Variants in GFOD1 observed in about 807,000 individuals in gnomAD.
GFOD1 encodes the protein Gfo/Idh/MocA-like oxidoreductase domain containing 1, also known as glucose-fructose oxidoreductase domain-containing protein 1.
In GFOD1, 9 loss-of-function variants were observed where a neutral mutation model predicts 25.4. The observed-to-expected ratio is 0.35, with a 90% confidence interval of 0.21 to 0.62. The LOEUF (loss-of-function observed/expected upper bound fraction) is 0.62. Among genes scored for constraint, GFOD1 ranks in the 20% least tolerant of loss-of-function variants. The pLI is 0.72. For synonymous variants in GFOD1, 253 were observed against 245.6 expected, an observed-to-expected ratio of 1.03 and a Z score of -0.28; for missense variants, 403 against 556.9, an observed-to-expected ratio of 0.72 and a Z score of 2.78.
intron 1 of GFOD1, among the ~76,000 whole-genome samples, chr6:13,401,515 TATTTA>T (rs1268681802): frequency 2.0e-5 from 3 of 152,226 alleles, no homozygotes; most frequent in African/African-American, 7.2e-5. Context: ...AATGGGGCAC[TATTTA>T]ATTTAAAATG....
At chr6:13,412,131 T>C (rs1002714460) in intron 1 of GFOD1, among the ~76,000 whole-genome samples, 5 of 152,206 alleles carry the variant, frequency 3.3e-5, no homozygotes, top group African/African-American at 1.2e-4. Flanking sequence ...ACATTATAAG[T>C]GTTATGAGCT....
At chr6:13,384,546 T>A (rs1423166013) in intron 1 of GFOD1, among the ~76,000 whole-genome samples, 1 of 152,246 alleles carries the variant, frequency 6.6e-6, no homozygotes, top group Non-Finnish European at 1.5e-5. Context: ...AATACTTTGG[T>A]GTCTCCTCTG....
At chr6:13,396,808 C>T (rs1280315244) in intron 1 of GFOD1, among the ~76,000 whole-genome samples, 2 of 152,186 alleles carry the variant, frequency 1.3e-5, no homozygotes, top group Admixed American at 1.3e-4. Flanking sequence ...CCAGAAGCTT[C>T]CAGCAGGAAC....
chr6:13,427,545 G>A (rs1757663346), intron 1 of GFOD1, among the ~76,000 whole-genome samples: 1 of 152,046 alleles, frequency 6.6e-6, no homozygotes, highest in African/African-American at 2.4e-5. Flanking sequence ...CGCCTACTCA[G>A]CAGACTGAGG....
intron 1 of GFOD1, among the ~76,000 whole-genome samples, chr6:13,376,417 C>T (rs573529699): frequency 6.6e-6 from 1 of 152,204 alleles, no homozygotes; most frequent in East Asian, 1.9e-4. Context: ...ATTCTTGAGC[C>T]TACACCACCA....
rs1784945409 is a variant in GFOD1 at position 13,361,412 on chromosome 6, T to C, written c.*3331A>G. ...ATGCAGGAACTAAATGGGAAGACTC[T>C]TAAAGCACTGCCTCCTTGCATCGAG... On this transcript the variant is annotated 3_prime_UTR_variant, in exon 2 of 2. Transcript: ENST00000379287. 1 of 156,286 alleles carries C rather than the reference T, an allele frequency of 6.4e-6. No homozygotes were observed. The highest frequency in any genetic ancestry group is 1.4e-5 in the Non-Finnish European group (1 of 70,516). 9.7% of individuals were successfully genotyped at this position (156,286 alleles called of 1,614,324 possible).
At chr6:13,394,492 T>TTTTTTTTTTTTTG (rs1785687447) in intron 1 of GFOD1, among the ~76,000 whole-genome samples, 1 of 145,726 alleles carries the variant, frequency 6.9e-6, no homozygotes, top group African/African-American at 2.6e-5. Context: ...TTTTTTTTTT[T>TTTTTTTTTTTTTG]GAGACGAGGT....
chr6:13,392,655 T>A (rs140552165), intron 1 of GFOD1, among the ~76,000 whole-genome samples: 19 of 152,186 alleles, frequency 1.2e-4, no homozygotes, highest in African/African-American at 4.3e-4. Context: ...CTGCTGCAGA[T>A]CCTCTCAGAT....
chr6:13,426,319 G>A (rs1490449733), intron 1 of GFOD1, among the ~76,000 whole-genome samples: 1 of 152,328 alleles, frequency 6.6e-6, no homozygotes, highest in Non-Finnish European at 1.5e-5. Flanking sequence ...TGAGAGCCAG[G>A]AAGCCACAGA....
chr6:13,415,896 AGTGGTAACAGACAAAC>A (rs1368110503), intron 1 of GFOD1, among the ~76,000 whole-genome samples: 1 of 152,206 alleles, frequency 6.6e-6, no homozygotes, highest in Non-Finnish European at 1.5e-5. Context: ...TCTGGCACAC[AGTGGTAACAGACAAAC>A]GTGGTCCCAT....
At chr6:13,408,390 A>G (rs556479281) in intron 1 of GFOD1, among the ~76,000 whole-genome samples, 9 of 152,258 alleles carry the variant, frequency 5.9e-5, no homozygotes, top group African/African-American at 2.2e-4. Flanking sequence ...GGAGGGGCAC[A>G]TTTTGCTTAA....
chr6:13,451,543 G>T (rs528447334), intron 1 of GFOD1, among the ~76,000 whole-genome samples: 1 of 152,334 alleles, frequency 6.6e-6, no homozygotes, highest in South Asian at 2.1e-4. Context: ...AGCCCTCCGA[G>T]TAGCTGTCAA....
Position 13,410,005 on chromosome 6 carries a change from G to GTTTTT in GFOD1, c.254-44348_254-44344dup, listed in dbSNP as rs56252038. On this transcript the variant is annotated intron_variant, in intron 1 of 1. Coordinates refer to ENST00000379287, the MANE Select transcript of GFOD1 (RefSeq NM_018988.4). ...ATTTCTAAAATGATACGGATTTTTA[G>GTTTTT]TTTTTTTTTTTTTTTTTTTTAGATT... is the stretch of plus-strand genomic sequence containing the variant. 5.8e-5 allele frequency among the ~76,000 whole-genome samples: 7 copies of GTTTTT among 121,584 alleles called. 1 individual carries two copies. The highest frequency in any genetic ancestry group is 2.4e-4 in the East Asian group (1 of 4,110). The allele number at this position is 121,584 out of a possible 152,430, so 79.8% of individuals were successfully genotyped here.
intron 1 of GFOD1, among the ~76,000 whole-genome samples, chr6:13,442,084 ACACGGAGAGAG>A (rs1217329847): frequency 2.0e-5 from 3 of 152,236 alleles, no homozygotes; most frequent in African/African-American, 7.2e-5. Flanking sequence ...ACCCAGGCAG[ACACGGAGAGAG>A]CATGCAAACT....
chr6:13,481,249 C>G (rs1262954180), intron 1 of GFOD1, among the ~76,000 whole-genome samples: 2 of 152,170 alleles, frequency 1.3e-5, no homozygotes, highest in Non-Finnish European at 2.9e-5. Flanking sequence ...AAAGGCCTCT[C>G]GCCCAAAGTA....
chr6:13,392,288 G>A (rs536897503), intron 1 of GFOD1, among the ~76,000 whole-genome samples: 12 of 150,512 alleles, frequency 8.0e-5, no homozygotes, highest in Admixed American at 1.3e-4. Context: ...ACTTGAGCAC[G>A]GGAGGCAGAG....
Position 13,486,970 on chromosome 6 carries a change from T to C in GFOD1, c.-80A>G. 1 of 1,498,384 alleles carries C rather than the reference T, an allele frequency of 6.7e-7. No individual in the cohort carries two copies. The highest frequency in any genetic ancestry group is 2.3e-5 in the East Asian group (1 of 43,614). The allele number at this position is 1,498,384 out of a possible 1,614,324, so 92.8% of individuals were successfully genotyped here. A position where few individuals can be genotyped will look rare whatever the true frequency, so the allele number is the denominator to read the frequency against. Reference sequence around the variant, plus strand: ...GCACACACCCACCTCTAGCCAGTCCTGCACCCCGCTCCTGTAGCCAATCTA... The same window carrying C: ...GCACACACCCACCTCTAGCCAGTCCCGCACCCCGCTCCTGTAGCCAATCTA... On this transcript the variant is annotated 5_prime_UTR_variant, in exon 1 of 2. Coordinates refer to ENST00000379287, the MANE Select transcript of GFOD1 (RefSeq NM_018988.4).
At chr6:13,434,306 C>G (rs1331218253) in intron 1 of GFOD1, among the ~76,000 whole-genome samples, 1 of 147,936 alleles carries the variant, frequency 6.8e-6, no homozygotes, top group Non-Finnish European at 1.5e-5. Context: ...TATGGGAACA[C>G]AGAAATCAAG....
At chr6:13,444,300 C>T (rs1757966438) in intron 1 of GFOD1, among the ~76,000 whole-genome samples, 1 of 151,590 alleles carries the variant, frequency 6.6e-6, no homozygotes, top group Admixed American at 6.6e-5. Flanking sequence ...CAAGTGAAAG[C>T]TAAATGATGA....
Sources: allele counts gnomAD v4.1 joint callset (sites outside exome capture counted in the v4.1 genomes callset), GRCh38; gene constraint gnomAD v4.1.1; transcripts MANE v1.5; gene names NCBI Gene and HGNC (gene_info 2026-07-23, HGNC 2026-07-21).